Variants in SUSD4 observed in about 807,000 individuals in gnomAD.
SUSD4 encodes sushi domain-containing protein 4.
Under a neutral mutation model 50.5 loss-of-function variants are expected in SUSD4, and 41 were observed. That is an observed-to-expected ratio of 0.81 (90% CI 0.63 to 1.05). The LOEUF is 1.05. Ranked by LOEUF, SUSD4 falls within the 50% of genes least tolerant of loss-of-function variation. SUSD4 has a pLI of 0.00. For synonymous variants in SUSD4, 257 were observed against 257.3 expected, an observed-to-expected ratio of 1.00 and a Z score of 0.01; for missense variants, 580 against 634.7, an observed-to-expected ratio of 0.91 and a Z score of 0.93.
rs767974060 is a variant in SUSD4 at position 223,360,158 on chromosome 1, C to A, written c.148+3120G>T. On this transcript the variant is annotated intron_variant, in intron 2 of 8. Transcript: ENST00000366878. Reference sequence around the variant, plus strand: ...ACCCCAAAGCTATCAAGTGGCAGAGCCTGATTGAGTTATTTATAATACAGA... The same window carrying A: ...ACCCCAAAGCTATCAAGTGGCAGAGACTGATTGAGTTATTTATAATACAGA... 1.5e-5 allele frequency: 7 copies of A among 468,578 alleles called. No individual in the cohort carries two copies. The Admixed American group carries it at 1.7e-4, about 11-fold the overall frequency. 29.0% of individuals were successfully genotyped at this position (468,578 alleles called of 1,614,324 possible). A position where few individuals can be genotyped will look rare whatever the true frequency, so the allele number is the denominator to read the frequency against.
intron 5 of SUSD4, among the ~76,000 whole-genome samples, chr1:223,246,625 C>G (rs851207): frequency 6.6e-6 from 1 of 151,684 alleles, no homozygotes; most frequent in Non-Finnish European, 1.5e-5. Flanking sequence ...CTCTGACAGG[C>G]GTAGGAGGGG....
At chr1:223,294,501 T>C (rs1215747831) in intron 2 of SUSD4, among the ~76,000 whole-genome samples, 1 of 152,224 alleles carries the variant, frequency 6.6e-6, no homozygotes, top group Non-Finnish European at 1.5e-5. Context: ...CTTATGATGC[T>C]AGACCCTCTA....
chr1:223,263,510 G>C (rs1662266569), intron 5 of SUSD4: 1 of 977,942 alleles, frequency 1.0e-6, no homozygotes, highest in Non-Finnish European at 1.2e-6. Context: ...AATTCCCTGG[G>C]GGATTTGCGA....
chr1:223,290,740 C>T (rs751502828), intron 3 of SUSD4, among the ~76,000 whole-genome samples: 2 of 133,890 alleles, frequency 1.5e-5, no homozygotes, highest in Non-Finnish European at 3.1e-5. Flanking sequence ...GCCCCCTACT[C>T]TAAGGTGATT....
In SUSD4 at chr1:223,223,172, G is replaced by A. The variant is rs970636281; in HGVS notation, c.1444+77C>T. ...CTCTGTGCTGGGGGGTGGAGCGTGC[G>A]TAGCAAGGAGCTGGCTTGAAGATGC... On this transcript the variant is annotated intron_variant, in intron 8 of 8. Transcript: ENST00000366878. The A allele has an allele frequency of 8.7e-6, 13 of 1,491,282 alleles. 1 individual carries two copies. The highest frequency in any genetic ancestry group is 8.2e-5 in the South Asian group (6 of 73,056). 92.4% of individuals were successfully genotyped at this position (1,491,282 alleles called of 1,614,324 possible).
At chr1:223,314,419 G>A (rs145843078) in intron 2 of SUSD4, among the ~76,000 whole-genome samples, 8 of 152,156 alleles carry the variant, frequency 5.3e-5, no homozygotes, top group Non-Finnish European at 7.4e-5. Context: ...TAGGATGCTC[G>A]TTGGTGAGCA....
At chr1:223,296,470 T>C (rs951561120) in intron 2 of SUSD4, among the ~76,000 whole-genome samples, 4 of 152,174 alleles carry the variant, frequency 2.6e-5, no homozygotes, top group African/African-American at 9.7e-5. Flanking sequence ...AGCTGGAGCA[T>C]GAGCCAGAAG....
chr1:223,249,656 C>G (rs150685760), intron 5 of SUSD4, among the ~76,000 whole-genome samples: 1 of 152,166 alleles, frequency 6.6e-6, no homozygotes, highest in Non-Finnish European at 1.5e-5. Context: ...ATAGTTAGTT[C>G]TATAATAAGT....
At chr1:223,363,598 C>T (rs1375779980) in intron 1 of SUSD4, 138 bp from the exon 2 acceptor site, 4 of 1,050,570 alleles carry the variant, frequency 3.8e-6, no homozygotes, top group Non-Finnish European at 2.6e-6. Flanking sequence ...GCCCCCGCCC[C>T]CTTTCCCACG....
chr1:223,263,445 A>G (rs1028127754), intron 5 of SUSD4, among the ~76,000 whole-genome samples: 1 of 152,362 alleles, frequency 6.6e-6, no homozygotes, highest in East Asian at 1.9e-4. Context: ...CTTATCTGAA[A>G]TTCAAATTTA....
chr1:223,303,094 G>C (rs1433371797), intron 2 of SUSD4, among the ~76,000 whole-genome samples: 1 of 152,148 alleles, frequency 6.6e-6, no homozygotes, highest in African/African-American at 2.4e-5. Context: ...GCTATAGTGA[G>C]CTACGGTGTG....
chr1:223,273,561 T>A (rs1363468849), intron 3 of SUSD4, among the ~76,000 whole-genome samples: 2 of 152,242 alleles, frequency 1.3e-5, no homozygotes, highest in Non-Finnish European at 2.9e-5. Flanking sequence ...ATCTGGTCCA[T>A]GCTAACATGG....
At chr1:223,267,241 TG>T (rs1400555729) in intron 4 of SUSD4, among the ~76,000 whole-genome samples, 1 of 151,804 alleles carries the variant, frequency 6.6e-6, no homozygotes, top group Non-Finnish European at 1.5e-5. Context: ...TTCTAATCAC[TG>T]GGGAAAAAAG....
At chr1:223,280,251 G>C (rs531853369) in intron 3 of SUSD4, among the ~76,000 whole-genome samples, 46 of 152,304 alleles carry the variant, frequency 3.0e-4, no homozygotes, top group Admixed American at 2.8e-3. Context: ...AACCTTACAT[G>C]TAAATGGGCT....
intron 3 of SUSD4, among the ~76,000 whole-genome samples, chr1:223,284,133 T>C (rs748370776): frequency 3.3e-5 from 5 of 151,784 alleles, no homozygotes; most frequent in Non-Finnish European, 7.4e-5. Context: ...CCGATGTAAA[T>C]GACGAGTTAA....
At chr1:223,314,343 C>T (rs1400029535) in intron 2 of SUSD4, among the ~76,000 whole-genome samples, 1 of 152,112 alleles carries the variant, frequency 6.6e-6, no homozygotes, top group South Asian at 2.1e-4. Flanking sequence ...CTGACCTCAG[C>T]GGGGTGGCGG....
chr1:223,265,860 A>G (rs1327666967), intron 4 of SUSD4, among the ~76,000 whole-genome samples: 1 of 152,248 alleles, frequency 6.6e-6, no homozygotes, highest in Non-Finnish European at 1.5e-5. Flanking sequence ...TGTGAAGTAA[A>G]TAATGTATAA....
rs1664548801 is a variant in SUSD4, at chr1:223,292,420, G to A, written c.361+19C>T. 1 of 1,613,588 alleles carries A rather than the reference G, an allele frequency of 6.2e-7. No individual in the cohort carries two copies. Among genetic ancestry groups the A allele is most frequent in the Admixed American group, 1.7e-5 (1 of 60,004 alleles). On this transcript the variant is annotated intron_variant, in intron 3 of 8. Coordinates refer to ENST00000366878, the MANE Select transcript of SUSD4 (RefSeq NM_017982.4). Reference sequence around the variant, plus strand: ...CTTGAACCACATGAGTGGCTTCCGTGGAGAAGTAAGCACTTTACCTTCTTG... The same window carrying A: ...CTTGAACCACATGAGTGGCTTCCGTAGAGAAGTAAGCACTTTACCTTCTTG...
intron 7 of SUSD4, among the ~76,000 whole-genome samples, chr1:223,224,506 A>G (rs1241766300): frequency 6.6e-6 from 1 of 152,024 alleles, no homozygotes; most frequent in Non-Finnish European, 1.5e-5. Flanking sequence ...GGAAAGAAGG[A>G]AAAAAAAGGA....
Sources: gnomAD v4.1 joint callset for allele counts (sites outside exome capture counted in the v4.1 genomes callset) on GRCh38, gnomAD v4.1.1 for gene constraint, MANE v1.5 for transcripts, NCBI Gene and HGNC (gene_info 2026-07-23, HGNC 2026-07-21) for gene names.